The following RAPGEF2 variants were observed in gnomAD, a reference collection of about 807,000 sequenced individuals.
RAPGEF2 encodes the protein PDZ domain containing guanine nucleotide exchange factor (GEF) 1.
RAPGEF2 carries 54 observed loss-of-function variants against 186.7 expected under a neutral mutation model. The observed-to-expected ratio is 0.29, with a 90% CI of 0.23 to 0.36. The LOEUF is 0.36. Among genes scored for constraint, RAPGEF2 ranks in the 10% least tolerant of loss-of-function variants. RAPGEF2 has a pLI of 1.00. For missense variants in RAPGEF2, 1,532 were observed against 2,045.0 expected (o/e 0.75, Z 4.84); for synonymous variants, 712 against 705.9 (o/e 1.01, Z -0.14).
At chr4:159,123,857 A>G (rs1483492836) in intron 1 of RAPGEF2, among the ~76,000 whole-genome samples, 3 of 142,820 alleles carry the variant, frequency 2.1e-5, no homozygotes, top group East Asian at 2.1e-4. Flanking sequence ...TTATTGTTGT[A>G]TTGTTTTGTT....
At chr4:159,206,325 C>T (rs981791036) in intron 3 of RAPGEF2, among the ~76,000 whole-genome samples, 6 of 152,118 alleles carry the variant, frequency 3.9e-5, no homozygotes, top group Admixed American at 2.0e-4. Context: ...AAAGCAGAAT[C>T]GTTGTGGTGC....
At chr4:159,267,672 GTA>G (rs1385772487) in intron 7 of RAPGEF2, 2 of 793,162 alleles carry the variant, frequency 2.5e-6, no homozygotes, top group Non-Finnish European at 3.1e-6. Flanking sequence ...TGAAACAAGG[GTA>G]TTAACAATGC....
intron 17 of RAPGEF2, among the ~76,000 whole-genome samples, chr4:159,333,117 T>C (rs1004842684): frequency 6.6e-6 from 1 of 152,000 alleles, no homozygotes; most frequent in Non-Finnish European, 1.5e-5. Context: ...GTAGCTGGGA[T>C]TACAGATGCC....
chr4:159,314,540 A>T, intron 8 of RAPGEF2, 51 bp from the exon 9 acceptor site: 1 of 1,479,754 alleles, frequency 6.8e-7, no homozygotes, highest in South Asian at 1.4e-5. Flanking sequence ...TTTGGGCCCC[A>T]AAGATTTATT....
intron 5 of RAPGEF2, among the ~76,000 whole-genome samples, chr4:159,240,147 A>C (rs1753787552): frequency 6.6e-6 from 1 of 152,108 alleles, no homozygotes; most frequent in Admixed American, 6.6e-5. Context: ...TGCTACTTTT[A>C]GATTTCTCTG....
At chr4:159,246,376 T>A (rs1754634879) in intron 7 of RAPGEF2, among the ~76,000 whole-genome samples, 1 of 152,172 alleles carries the variant, frequency 6.6e-6, no homozygotes, top group Non-Finnish European at 1.5e-5. Context: ...GTGGCAGCAA[T>A]GTAATAAGAT....
At chr4:159,248,446 C>T (rs1017233097) in intron 7 of RAPGEF2, among the ~76,000 whole-genome samples, 6 of 152,178 alleles carry the variant, frequency 3.9e-5, no homozygotes, top group Non-Finnish European at 7.4e-5. Context: ...TTGCTTTTCA[C>T]GCCCATTATC....
At chr4:159,160,118 C>T (rs1744549974) in intron 1 of RAPGEF2, among the ~76,000 whole-genome samples, 1 of 152,160 alleles carries the variant, frequency 6.6e-6, no homozygotes. Flanking sequence ...TCTAGTTGTG[C>T]AAAGGCTTTA....
At chr4:159,316,510 T>A (rs1293569178) in intron 9 of RAPGEF2, among the ~76,000 whole-genome samples, 2 of 152,160 alleles carry the variant, frequency 1.3e-5, no homozygotes, top group Non-Finnish European at 2.9e-5. Context: ...GTTGTTCCCC[T>A]CTGTGTGTTC....
chr4:159,104,147 C>G lies in RAPGEF2; in HGVS notation c.-16C>G, dbSNP rs754149896. On this transcript the variant is annotated 5_prime_UTR_variant, in exon 1 of 30. Coordinates refer to ENST00000691494, the MANE Select transcript of RAPGEF2 (RefSeq NM_001394067.2). Reference sequence around the variant, plus strand: ...GCCAGGGTGCGGAGCGGCCCCGGCCCGCTCCCAGAGGGGAGATGGCGTCCT... The same window carrying G: ...GCCAGGGTGCGGAGCGGCCCCGGCCGGCTCCCAGAGGGGAGATGGCGTCCT... The G allele has an allele frequency of 1.1e-5, 17 of 1,516,200 alleles. No homozygotes were observed. In the African/African-American group the frequency reaches 1.3e-4, roughly 11 times the overall value. 93.9% of individuals were successfully genotyped at this position (1,516,200 alleles called of 1,614,324 possible). A position where few individuals can be genotyped will look rare whatever the true frequency, so the allele number is the denominator to read the frequency against.
chr4:159,294,634 T>TTCCTTTC (rs1554029084), intron 7 of RAPGEF2, among the ~76,000 whole-genome samples: 1 of 133,004 alleles, frequency 7.5e-6, no homozygotes, highest in African/African-American at 2.8e-5. Flanking sequence ...AGCTTCCATT[T>TTCCTTTC]CTTCCTTCCT....
intron 2 of RAPGEF2, among the ~76,000 whole-genome samples, chr4:159,188,905 C>G (rs1720102775): frequency 1.3e-5 from 2 of 152,138 alleles, no homozygotes. Flanking sequence ...AGATGTTTAT[C>G]TTATGCTTGT....
At chr4:159,223,507 T>C (rs1751729852) in intron 4 of RAPGEF2, among the ~76,000 whole-genome samples, 1 of 152,198 alleles carries the variant, frequency 6.6e-6, no homozygotes, top group South Asian at 2.1e-4. Context: ...GGTTAAAATT[T>C]GTCAAACACA....
At chr4:159,197,884 C>T (rs894300706) in intron 3 of RAPGEF2, among the ~76,000 whole-genome samples, 6 of 152,210 alleles carry the variant, frequency 3.9e-5, no homozygotes, top group African/African-American at 1.4e-4. Context: ...TTGTCCCACT[C>T]CTGTCTCTAG....
At chr4:159,337,968 A>G (rs1767701531) in intron 17 of RAPGEF2, among the ~76,000 whole-genome samples, 1 of 146,900 alleles carries the variant, frequency 6.8e-6, no homozygotes, top group Non-Finnish European at 1.5e-5. Flanking sequence ...GAAACAGCAA[A>G]ATGAGGCTGG....
intron 7 of RAPGEF2, among the ~76,000 whole-genome samples, chr4:159,252,006 A>G (rs1755496535): frequency 6.6e-6 from 1 of 152,114 alleles, no homozygotes; most frequent in Non-Finnish European, 1.5e-5. Flanking sequence ...ACCAGAAGGA[A>G]CAAAGACACA....
chr4:159,331,897 T>G, intron 15 of RAPGEF2, 29 bp from the exon 16 acceptor site: 1 of 1,591,162 alleles, frequency 6.3e-7, no homozygotes, highest in Non-Finnish European at 8.5e-7. Context: ...TTCAGTCAAT[T>G]TTGATACATT....
At chr4:159,117,037 A>G (rs772786791) in intron 1 of RAPGEF2, among the ~76,000 whole-genome samples, 3 of 152,194 alleles carry the variant, frequency 2.0e-5, no homozygotes, top group Non-Finnish European at 2.9e-5. Flanking sequence ...AAAAATAACA[A>G]AAGTATTTAT....
intron 26 of RAPGEF2, 115 bp downstream of exon 26, chr4:159,350,404 T>A: frequency 1.2e-6 from 1 of 850,774 alleles, no homozygotes. Context: ...TAAGATGAGC[T>A]CATTTGCAAT....
Sources: allele counts gnomAD v4.1 joint callset (sites outside exome capture counted in the v4.1 genomes callset), GRCh38; gene constraint gnomAD v4.1.1; transcripts MANE v1.5; gene names NCBI Gene and HGNC (gene_info 2026-07-23, HGNC 2026-07-21).